Variants in ZNF780A observed in about 807,000 individuals in gnomAD.
ZNF780A encodes zinc finger protein 780A.
In ZNF780A, 40 loss-of-function variants were observed where a neutral mutation model predicts 56.7. That is an observed-to-expected ratio of 0.71 (90% CI 0.55 to 0.92). The LOEUF is 0.92. Ranked by LOEUF, ZNF780A falls within the 40% of genes least tolerant of loss-of-function variation. The pLI is 0.00. For synonymous variants in ZNF780A, 231 were observed against 248.3 expected, an observed-to-expected ratio of 0.93 and a Z score of 0.66; for missense variants, 672 against 783.3, an observed-to-expected ratio of 0.86 and a Z score of 1.70.
chr19:40,073,041 T>C, downstream of ZNF780A: 2 of 1,480,464 alleles, frequency 1.4e-6, no homozygotes, highest in Admixed American at 4.9e-5. Flanking sequence ...TATGGTACAA[T>C]GGCTATATGA....
In ZNF780A at chr19:40,075,965, G is replaced by A. The variant is rs746438662; in HGVS notation, c.477C>T (p.Cys159=). The A allele has an allele frequency of 2.5e-6, 4 of 1,613,318 alleles. No homozygotes were observed. In the South Asian group the frequency reaches 4.4e-5, roughly 18 times the overall value. Reference sequence around the variant, plus strand: ...TACATTCATACGGTTTATGTGTATTGCAAATAAGAGAAGCATGAGGAGTAT... The same window carrying A: ...TACATTCATACGGTTTATGTGTATTACAAATAAGAGAAGCATGAGGAGTAT... ...PTHTPHASLI[C]NTHKPYECKE... The change falls in exon 6 of 6, where the codon TGC becomes TGT. Residue 159 remains cysteine (C), a synonymous_variant. Transcript: ENST00000683561.
Position 40,073,566 on chromosome 19 carries a change from T to C in ZNF780A, c.*950A>G, listed in dbSNP as rs551081594. 1.3e-5 allele frequency: 13 copies of C among 985,902 alleles called. No individual in the cohort carries two copies. The African/African-American group carries it at 1.7e-4, about 13-fold the overall frequency. 61.1% of individuals were successfully genotyped at this position (985,902 alleles called of 1,614,324 possible). The stretch of plus-strand genomic sequence containing the variant: ...AAATTATTTCATAGGGAGTACATTG[T>C]GAACATGACAACTACCCTATATTCC... On this transcript the variant is annotated 3_prime_UTR_variant, in exon 6 of 6. Coordinates refer to ENST00000683561, the MANE Select transcript of ZNF780A (RefSeq NM_001142578.2).
At chr19:40,079,731 C>A (rs1974364341) in intron 5 of ZNF780A, among the ~76,000 whole-genome samples, 1 of 152,076 alleles carries the variant, frequency 6.6e-6, no homozygotes, top group Non-Finnish European at 1.5e-5. Context: ...CCTATATAAC[C>A]ACTGGGTCAA....
rs763637995 is a variant in ZNF780A, at chr19:40,075,897, T to C, written c.545A>G (p.Gln182Arg). 16 of 1,614,046 alleles carry C rather than the reference T, an allele frequency of 9.9e-6. No individual in the cohort carries two copies. Among genetic ancestry groups the C allele is most frequent in the African/African-American group, 1.3e-5 (1 of 74,944 alleles). Residue 182 changes from glutamine to arginine, a missense_variant, in exon 6 of 6, where the codon CAG becomes CGG. Transcript: ENST00000683561. ...CTCTCCAGTATGAATACTCTGATGCTGAATAAGATTTGCACTACGACTAAA... is the reference window on the plus strand; with the variant it reads ...CTCTCCAGTATGAATACTCTGATGCCGAATAAGATTTGCACTACGACTAAA... The part of the protein sequence containing the change: ...KYFSRSANLI[Q>R]HQSIHTGEKP...
In ZNF780A at chr19:40,074,728, G is replaced by A. The variant is rs1599828213; in HGVS notation, c.1714C>T (p.Leu572Phe). The A allele has an allele frequency of 6.2e-7, 1 of 1,614,106 alleles. No individual in the cohort carries two copies. The highest frequency in any genetic ancestry group is 8.5e-7 in the Non-Finnish European group (1 of 1,180,010). Residue 572 changes from leucine (L) to phenylalanine (F), a missense_variant, in exon 6 of 6, where the codon CTT becomes TTT. Leu to Phe is a conservative substitution (Grantham distance 22, BLOSUM62 0). Coordinates refer to ENST00000683561, the MANE Select transcript of ZNF780A (RefSeq NM_001142578.2). ...GTATGCAATTTCTGATGTCGAATAA[G>A]GTGCATATGAAGTCGAAAGGCTTTC... ...CGKAFRLHMHLIRHQKLHTGE... is the reference protein window; with the variant it reads ...CGKAFRLHMHFIRHQKLHTGE...
Position 40,073,070 on chromosome 19 carries a change from C to T in ZNF780A, c.*1446G>A, listed in dbSNP as rs1234267946. On this transcript the variant is annotated 3_prime_UTR_variant, in exon 6 of 6. Coordinates refer to ENST00000683561, the MANE Select transcript of ZNF780A (RefSeq NM_001142578.2). ...TATATGATATTGTCTATATTGTCTT[C>T]ATGTTTGGTTGATACACACGTTGAT... 5 of 1,402,198 alleles carry T rather than the reference C, an allele frequency of 3.6e-6. No homozygotes were observed. Among genetic ancestry groups the T allele is most frequent in the African/African-American group, 1.5e-5 (1 of 67,398 alleles). The allele number at this position is 1,402,198 out of a possible 1,614,324, so 86.9% of individuals were successfully genotyped here.
intron 3 of ZNF780A, among the ~76,000 whole-genome samples, chr19:40,084,289 C>A (rs1223747388): frequency 6.6e-6 from 1 of 152,152 alleles, no homozygotes; most frequent in East Asian, 1.9e-4. Flanking sequence ...CTATCATTTT[C>A]CTAAAAGCCT....
Position 40,075,964 on chromosome 19 carries a change from T to C in ZNF780A, c.478A>G (p.Asn160Asp). The C allele has an allele frequency of 2.5e-6, 4 of 1,613,420 alleles. No individual in the cohort carries two copies. The highest frequency in any genetic ancestry group is 3.4e-6 in the Non-Finnish European group (4 of 1,179,766). The change falls in exon 6 of 6, where the codon AAT becomes GAT. Residue 160 changes from asparagine (N) to aspartate (D), a missense_variant. Asn to Asp is a conservative substitution (Grantham distance 23). Coordinates refer to ENST00000683561, the MANE Select transcript of ZNF780A (RefSeq NM_001142578.2). ...THTPHASLIC[N>D]THKPYECKEC... is the part of the protein sequence containing the mutation. ...TTACATTCATACGGTTTATGTGTATTGCAAATAAGAGAAGCATGAGGAGTA... is the reference window on the plus strand; with the variant it reads ...TTACATTCATACGGTTTATGTGTATCGCAAATAAGAGAAGCATGAGGAGTA...
chr19:40,071,211 T>C (rs1973805327), downstream of ZNF780A: 1 of 152,166 alleles, frequency 6.6e-6, no homozygotes, highest in African/African-American at 2.4e-5. Flanking sequence ...GATTTTTAAA[T>C]GCACTGGAAT....
Position 40,074,957 on chromosome 19 carries a change from G to A in ZNF780A, c.1485C>T (p.His495=). 6.2e-7 allele frequency: 1 copy of A among 1,613,410 alleles called. No homozygotes were observed. Among genetic ancestry groups the A allele is most frequent in the Non-Finnish European group, 8.5e-7 (1 of 1,179,794 alleles). ...GSSLVQHQSI[H]TGEKPYECKE... is the part of the protein sequence containing the mutation. ...TACATTCATAGGGCTTCTCACCAGT[G>A]TGAATACTCTGATGTTGAACAAGGC... The change falls in exon 6 of 6, where the codon CAC becomes CAT. Residue 495 remains histidine (H), a synonymous_variant. Coordinates refer to ENST00000683561, the MANE Select transcript of ZNF780A (RefSeq NM_001142578.2).
Position 40,073,181 on chromosome 19 carries a change from AC to A in ZNF780A, c.*1334del, listed in dbSNP as rs1345186050. ...CAAAAAATAAACGTGCAAATTGTTAACAATTTTGAATCTAGGTTGGGGTATA... is the reference window on the plus strand; with the variant it reads ...CAAAAAATAAACGTGCAAATTGTTAAAATTTTGAATCTAGGTTGGGGTATA... On this transcript the variant is annotated 3_prime_UTR_variant, in exon 6 of 6. Coordinates refer to ENST00000683561, the MANE Select transcript of ZNF780A (RefSeq NM_001142578.2). 1 of 903,168 alleles carries A rather than the reference AC, an allele frequency of 1.1e-6. No individual in the cohort carries two copies. Among genetic ancestry groups the A allele is most frequent in the East Asian group, 3.7e-5 (1 of 27,124 alleles). The allele number at this position is 903,168 out of a possible 1,614,324, so 55.9% of individuals were successfully genotyped here.
Position 40,081,800 on chromosome 19 carries a change from C to G in ZNF780A, c.232+19G>C. The G allele has an allele frequency of 6.2e-7, 1 of 1,600,020 alleles. No homozygotes were observed. The highest frequency in any genetic ancestry group is 8.6e-7 in the Non-Finnish European group (1 of 1,168,112). ...CAGGACAATGATGGCTTCCCCCCGC[C>G]TGCTTTACCCTCACTTACCTGGATA... On this transcript the variant is annotated intron_variant, in intron 5 of 5. Transcript: ENST00000683561.
downstream of ZNF780A, chr19:40,071,971 G>A (rs1377477877): frequency 1.1e-4 from 16 of 152,244 alleles, no homozygotes; most frequent in Admixed American, 1.0e-3. Flanking sequence ...CTATCAAGCA[G>A]ATAGTCAGGG....
chr19:40,085,787 T>C (rs1175195628), intron 2 of ZNF780A, among the ~76,000 whole-genome samples: 3 of 151,932 alleles, frequency 2.0e-5, no homozygotes, highest in African/African-American at 7.2e-5. Context: ...GGCTGAGGCA[T>C]GAGAATCGCT....
chr19:40,073,266 T>C lies in ZNF780A; in HGVS notation c.*1250A>G, dbSNP rs925320579. ...CAACAAGTATCAACTAGGTTTACCA[T>C]CTTTTATGGGCAGAATTTGTGGTAT... On this transcript the variant is annotated 3_prime_UTR_variant, in exon 6 of 6. Transcript: ENST00000683561. 2 of 367,216 alleles carry C rather than the reference T, an allele frequency of 5.4e-6. No individual in the cohort carries two copies. The highest frequency in any genetic ancestry group is 2.2e-5 in the African/African-American group (1 of 46,488). 22.7% of individuals were successfully genotyped at this position (367,216 alleles called of 1,614,324 possible).
chr19:40,074,776 G>T lies in ZNF780A; in HGVS notation c.1666C>A (p.Pro556Thr). The T allele has an allele frequency of 6.2e-7, 1 of 1,614,104 alleles. No homozygotes were observed. Among genetic ancestry groups the T allele is most frequent in the Non-Finnish European group, 8.5e-7 (1 of 1,179,976 alleles). The change falls in exon 6 of 6, where the codon CCC (proline) becomes ACC (threonine). Residue 556 changes from proline (P) to threonine (T), a missense_variant. Pro to Thr is a conservative substitution (Grantham distance 38, BLOSUM62 -1). Coordinates refer to ENST00000683561, the MANE Select transcript of ZNF780A (RefSeq NM_001142578.2). The stretch of plus-strand genomic sequence containing the variant: ...TTCCCACATTCCTTACATTCAAAGG[G>T]TTTCTTTCCAGTATGAATACTTCGA... ...QHRSIHTGKK[P>T]FECKECGKAF... is the part of the protein sequence containing the mutation.
chr19:40,072,942 A>T (rs1244109211), downstream of ZNF780A: 3 of 1,549,778 alleles, frequency 1.9e-6, no homozygotes, highest in African/African-American at 4.1e-5. Flanking sequence ...TTGAATATGA[A>T]TAGCTGTAAA....
chr19:40,086,765 T>C (rs1446844156), intron 2 of ZNF780A, among the ~76,000 whole-genome samples: 1 of 152,110 alleles, frequency 6.6e-6, no homozygotes, highest in East Asian at 1.9e-4. Flanking sequence ...TGCTGTGGCC[T>C]GATCTCGGCT....
In ZNF780A at chr19:40,075,909, G is replaced by A. The variant is rs750120500; in HGVS notation, c.533C>T (p.Ala178Val). The change falls in exon 6 of 6, where the codon GCA (alanine) becomes GTA (valine). Residue 178 changes from alanine to valine, a missense_variant. Coordinates refer to ENST00000683561, the MANE Select transcript of ZNF780A (RefSeq NM_001142578.2). The stretch of plus-strand genomic sequence containing the variant: ...AATACTCTGATGCTGAATAAGATTT[G>A]CACTACGACTAAAGTATTTCCCACA... ...KECGKYFSRSANLIQHQSIHT... is the reference protein window; with the variant it reads ...KECGKYFSRSVNLIQHQSIHT... 1.2e-6 allele frequency: 2 copies of A among 1,614,098 alleles called. No homozygotes were observed. Among genetic ancestry groups the A allele is most frequent in the Non-Finnish European group, 8.5e-7 (1 of 1,179,988 alleles).
Sources: allele counts gnomAD v4.1 joint callset (sites outside exome capture counted in the v4.1 genomes callset), GRCh38; gene constraint gnomAD v4.1.1; transcripts MANE v1.5; gene names NCBI Gene and HGNC (gene_info 2026-07-23, HGNC 2026-07-21).